Variants in MANBA observed in about 807,000 individuals in gnomAD.
MANBA encodes the protein beta-mannosidase.
Under a neutral mutation model 111.1 loss-of-function variants are expected in MANBA, and 83 were observed. The observed-to-expected ratio is 0.75, with a 90% CI of 0.63 to 0.90. The LOEUF is 0.90. MANBA is among the 40% of genes least tolerant of loss of function. The pLI is 0.00. For missense variants in MANBA, 1,036 were observed against 1,069.0 expected, an observed-to-expected ratio of 0.97 and a Z score of 0.43; for synonymous variants, 370 against 378.7, an observed-to-expected ratio of 0.98 and a Z score of 0.27.
intron 15 of MANBA, among the ~76,000 whole-genome samples, chr4:102,635,606 T>C (rs1049152961): frequency 5.3e-5 from 8 of 152,200 alleles, no homozygotes; most frequent in Non-Finnish European, 1.2e-4. Flanking sequence ...TTTGCTTTCA[T>C]CTAGTTATTT....
At chr4:102,718,387 T>C (rs926663260) in intron 4 of MANBA, among the ~76,000 whole-genome samples, 1 of 152,098 alleles carries the variant, frequency 6.6e-6, no homozygotes, top group Non-Finnish European at 1.5e-5. Context: ...ATAGATTTGT[T>C]ATGGAAGAAA....
intron 6 of MANBA, 61 bp downstream of exon 6, chr4:102,690,535 C>A: frequency 1.3e-6 from 2 of 1,497,376 alleles, no homozygotes; most frequent in Non-Finnish European, 1.9e-6. Context: ...CCTTTCTAAT[C>A]ATTTCTTTAG....
chr4:102,747,001 C>T (rs116024568), intron 1 of MANBA, among the ~76,000 whole-genome samples: 2,998 of 150,220 alleles, frequency 0.02, 86 homozygotes, highest in African/African-American at 0.066. Context: ...AGAAAAAGAA[C>T]CTTTAGCATT....
intron 1 of MANBA, chr4:102,751,697 T>C (rs1723806723): frequency 1.8e-6 from 1 of 542,742 alleles, no homozygotes; most frequent in Admixed American, 1.9e-5. Flanking sequence ...GCATGTTCCA[T>C]GATGACTGGA....
rs747229082 is a variant in MANBA, at chr4:102,760,751, C to T, written c.144G>A (p.Val48=). Residue 48 remains valine (V), a synonymous_variant, in exon 1 of 17, where the codon GTG becomes GTA. Transcript: ENST00000647097. ...GGCCCTGCTGGAACAAGGCGCTGTG[C>T]ACGCAGCCAGGGACCGCCCCGGGCA... ...LELPGAVPGC[V]HSALFQQGLI... 6.5e-7 allele frequency: 1 copy of T among 1,547,902 alleles called. No individual in the cohort carries two copies. The highest frequency in any genetic ancestry group is 8.7e-7 in the Non-Finnish European group (1 of 1,145,940).
intron 13 of MANBA, among the ~76,000 whole-genome samples, chr4:102,646,552 G>C (rs1279779532): frequency 6.6e-6 from 1 of 152,128 alleles, no homozygotes; most frequent in Non-Finnish European, 1.5e-5. Flanking sequence ...AAAAGCACTA[G>C]AAAAGGCTGT....
intron 12 of MANBA, 69 bp downstream of exon 12, chr4:102,657,613 A>G: frequency 8.2e-7 from 1 of 1,217,578 alleles, no homozygotes; most frequent in Non-Finnish European, 1.2e-6. Flanking sequence ...TTTCTGAACC[A>G]GTGATCAGAA....
chr4:102,736,103 C>G (rs760485488), intron 1 of MANBA, among the ~76,000 whole-genome samples: 11 of 152,092 alleles, frequency 7.2e-5, no homozygotes, highest in Non-Finnish European at 1.2e-4. Flanking sequence ...ACCCATTTAC[C>G]AACAAAGACT....
intron 1 of MANBA, among the ~76,000 whole-genome samples, chr4:102,750,691 T>C (rs1455085934): frequency 6.6e-6 from 1 of 152,184 alleles, no homozygotes; most frequent in Non-Finnish European, 1.5e-5. Flanking sequence ...GGTGGGAATA[T>C]CGCTTGAGCC....
At chr4:102,741,228 A>C (rs547317404) in intron 1 of MANBA, among the ~76,000 whole-genome samples, 3 of 152,356 alleles carry the variant, frequency 2.0e-5, no homozygotes, top group African/African-American at 7.2e-5. Flanking sequence ...ATGGAAATCA[A>C]AACCACAATG....
intron 7 of MANBA, among the ~76,000 whole-genome samples, chr4:102,687,640 C>A (rs1329584953): frequency 2.0e-5 from 3 of 152,178 alleles, no homozygotes; most frequent in Non-Finnish European, 2.9e-5. Flanking sequence ...AGGACACAGG[C>A]TCTGGGAATC....
At chr4:102,681,022 A>G (rs953412081) in intron 7 of MANBA, among the ~76,000 whole-genome samples, 2 of 152,210 alleles carry the variant, frequency 1.3e-5, no homozygotes, top group African/African-American at 2.4e-5. Flanking sequence ...AAAGAATTCC[A>G]GCCAGGCAGT....
At chr4:102,752,058 T>C (rs1474734027) in intron 1 of MANBA, 3 of 755,922 alleles carry the variant, frequency 4.0e-6, no homozygotes, top group African/African-American at 3.4e-5. Flanking sequence ...CTACAGTCCC[T>C]ACAGAAGAAG....
intron 5 of MANBA, among the ~76,000 whole-genome samples, chr4:102,705,702 T>C (rs223512): frequency 0.43 from 65,864 of 152,030 alleles, 15,928 homozygotes; most frequent in African/African-American, 0.66. Context: ...GATATCATCC[T>C]ATGCCTGCCT....
chr4:102,709,464 C>T (rs984227958), intron 5 of MANBA, among the ~76,000 whole-genome samples: 5 of 151,002 alleles, frequency 3.3e-5, no homozygotes, highest in Non-Finnish European at 4.4e-5. Context: ...AATAGTGAAC[C>T]TGAACGACTA....
chr4:102,735,682 T>A (rs1723194031), intron 1 of MANBA, among the ~76,000 whole-genome samples: 1 of 152,152 alleles, frequency 6.6e-6, no homozygotes, highest in Non-Finnish European at 1.5e-5. Context: ...CAGGGTTACC[T>A]CTCATGACTA....
At chr4:102,729,624 A>G in intron 1 of MANBA, 1 of 1,008,548 alleles carries the variant, frequency 9.9e-7, no homozygotes, top group Non-Finnish European at 1.6e-6. Context: ...ACACTTATTG[A>G]TCTCATCCTC....
intron 5 of MANBA, among the ~76,000 whole-genome samples, chr4:102,697,440 T>C (rs1732771442): frequency 6.6e-6 from 1 of 151,996 alleles, no homozygotes; most frequent in Non-Finnish European, 1.5e-5. Context: ...TGTGCCATGC[T>C]GGTGCGCTGC....
At chr4:102,737,508 A>C (rs1203821558) in intron 1 of MANBA, among the ~76,000 whole-genome samples, 1 of 151,040 alleles carries the variant, frequency 6.6e-6, no homozygotes, top group Non-Finnish European at 1.5e-5. Context: ...TTTGAAATGG[A>C]GTCTCGCTCT....
Sources: allele counts gnomAD v4.1 joint callset (sites outside exome capture counted in the v4.1 genomes callset), GRCh38; gene constraint gnomAD v4.1.1; transcripts MANE v1.5; gene names NCBI Gene and HGNC (gene_info 2026-07-23, HGNC 2026-07-21).